SLC16A7: variants seen among roughly 807,000 people sequenced by gnomAD.
The protein encoded by SLC16A7 is monocarboxylate transporter 2.
SLC16A7 carries 33 observed loss-of-function variants against 34.9 expected under a neutral mutation model. That is an observed-to-expected ratio of 0.94 (90% CI 0.72 to 1.26). The LOEUF (loss-of-function observed/expected upper bound fraction) is 1.26. Among genes scored for constraint, SLC16A7 ranks in the 50% most tolerant of loss-of-function variants. The pLI, the probability that SLC16A7 is intolerant of heterozygous loss-of-function variation, is 0.00. For missense variants in SLC16A7, 573 were observed against 578.1 expected, an observed-to-expected ratio of 0.99 and a Z score of 0.09; for synonymous variants, 201 against 206.6, an observed-to-expected ratio of 0.97 and a Z score of 0.23.
intron 1 of SLC16A7, among the ~76,000 whole-genome samples, chr12:59,625,943 G>A (rs974086048): frequency 6.6e-6 from 1 of 151,696 alleles, no homozygotes; most frequent in Non-Finnish European, 1.5e-5. Context: ...TTACTTAAAG[G>A]AGCAGATTTT....
intron 3 of SLC16A7, among the ~76,000 whole-genome samples, chr12:59,754,667 C>G (rs1313552677): frequency 1.3e-5 from 2 of 152,168 alleles, no homozygotes; most frequent in East Asian, 3.9e-4. Context: ...CAGCCGAATT[C>G]TACCAGAGGT....
At chr12:59,609,064 A>G (rs971286226) in intron 1 of SLC16A7, among the ~76,000 whole-genome samples, 2 of 152,206 alleles carry the variant, frequency 1.3e-5, no homozygotes, top group Non-Finnish European at 1.5e-5. Flanking sequence ...TTCACAAAAG[A>G]CAGATTAGTT....
chr12:59,694,500 C>T (rs1872050728), intron 2 of SLC16A7, among the ~76,000 whole-genome samples: 1 of 151,874 alleles, frequency 6.6e-6, no homozygotes, highest in African/African-American at 2.4e-5. Context: ...TTTGCTCCTG[C>T]CTTCTTTATT....
At chr12:59,688,817 A>G (rs192128792) in intron 2 of SLC16A7, among the ~76,000 whole-genome samples, 260 of 152,202 alleles carry the variant, frequency 1.7e-3, no homozygotes, top group African/African-American at 4.8e-3. Flanking sequence ...TACAAAAACT[A>G]TATTTGAATC....
chr12:59,704,698 T>C, intron 2 of SLC16A7, 74 bp from the exon 3 acceptor site: 1 of 722,026 alleles, frequency 1.4e-6, no homozygotes, highest in Non-Finnish European at 2.3e-6. Context: ...GAAAGTACTA[T>C]TTTAGTGACT....
chr12:59,680,413 T>G (rs1870653161), intron 2 of SLC16A7, among the ~76,000 whole-genome samples: 1 of 152,200 alleles, frequency 6.6e-6, no homozygotes, highest in African/African-American at 2.4e-5. Context: ...TGAAAATGTG[T>G]TATCTTGATT....
rs141789453 is a variant in SLC16A7 at position 59,694,482 on chromosome 12, T to C, written c.-30-10290T>C. 1.4e-3 allele frequency among the ~76,000 whole-genome samples: 213 copies of C among 152,038 alleles called. 1 individual carries two copies. Among genetic ancestry groups the C allele is most frequent in the Middle Eastern group, 6.8e-3 (2 of 294 alleles). ...AATATATGCCTTAAATATATCCACA[T>C]CCAAAAGTTTGCTCCTGCCTTCTTT... On this transcript the variant is annotated intron_variant, in intron 2 of 5. Coordinates refer to ENST00000547379, the MANE Select transcript of SLC16A7 (RefSeq NM_001270623.2).
Position 59,775,488 on chromosome 12 carries a change from T to C in SLC16A7, c.1180+13T>C. The stretch of plus-strand genomic sequence containing the variant: ...CCTCCTCTTGCAGGTAAGAACGTTT[T>C]TCATCAAGGAAAATGTAAAGCATAA... On this transcript the variant is annotated intron_variant, in intron 5 of 5. Coordinates refer to ENST00000547379, the MANE Select transcript of SLC16A7 (RefSeq NM_001270623.2). The C allele has an allele frequency of 6.3e-7, 1 of 1,588,980 alleles. No individual in the cohort carries two copies. Among genetic ancestry groups the C allele is most frequent in the Non-Finnish European group, 8.6e-7 (1 of 1,159,346 alleles).
intron 1 of SLC16A7, among the ~76,000 whole-genome samples, chr12:59,642,877 A>C (rs1043230307): frequency 6.6e-6 from 1 of 152,060 alleles, no homozygotes; most frequent in East Asian, 1.9e-4. Context: ...ACTTAGTTGA[A>C]AGTAACTTGT....
In SLC16A7 at chr12:59,784,818, G is replaced by A. The variant is rs1883502409; in HGVS notation, c.*5139G>A. On this transcript the variant is annotated 3_prime_UTR_variant, in exon 6 of 6. Coordinates refer to ENST00000547379, the MANE Select transcript of SLC16A7 (RefSeq NM_001270623.2). ...GAGTCTTGAAAAACTGATCTTCTTT[G>A]GCACTATCCTGAATGTTTCTGATTT... is the stretch of plus-strand genomic sequence containing the variant. 6.6e-6 allele frequency: 1 copy of A among 152,052 alleles called. No homozygotes were observed. The highest frequency in any genetic ancestry group is 1.5e-5 in the Non-Finnish European group (1 of 68,014). 9.4% of individuals were successfully genotyped at this position (152,052 alleles called of 1,614,324 possible).
intron 2 of SLC16A7, among the ~76,000 whole-genome samples, chr12:59,686,617 C>T (rs1871183632): frequency 6.6e-6 from 1 of 151,758 alleles, no homozygotes; most frequent in Non-Finnish European, 1.5e-5. Flanking sequence ...TCATTTAGTT[C>T]CAGTTAATAC....
chr12:59,666,066 G>T (rs1341621636), intron 2 of SLC16A7, among the ~76,000 whole-genome samples: 1 of 152,074 alleles, frequency 6.6e-6, no homozygotes, highest in Non-Finnish European at 1.5e-5. Context: ...TTGGAGTTTG[G>T]AGTTGATAGG....
At chr12:59,708,223 C>T (rs1873811575) in intron 3 of SLC16A7, among the ~76,000 whole-genome samples, 1 of 152,036 alleles carries the variant, frequency 6.6e-6, no homozygotes, top group African/African-American at 2.4e-5. Flanking sequence ...ACATTGCAGT[C>T]TTTCTTCAAC....
Position 59,788,398 on chromosome 12 carries a change from A to G in SLC16A7, c.*8719A>G, listed in dbSNP as rs953692817. The G allele has an allele frequency of 2.6e-5, 4 of 152,068 alleles. No homozygotes were observed. The highest frequency in any genetic ancestry group is 4.8e-5 in the African/African-American group (2 of 41,442). The allele number at this position is 152,068 out of a possible 1,614,324, so 9.4% of individuals were successfully genotyped here. On this transcript the variant is annotated 3_prime_UTR_variant, in exon 6 of 6. Coordinates refer to ENST00000547379, the MANE Select transcript of SLC16A7 (RefSeq NM_001270623.2). ...AAAATGTAGTTGTCTTGTTTATTCT[A>G]TAGATATCTTAATGACCACTGAACA...
chr12:59,775,192 T>G lies in SLC16A7; in HGVS notation c.897T>G (p.Ser299=). The change falls in exon 5 of 6, where the codon TCT becomes TCG. Residue 299 remains serine, a synonymous_variant. Coordinates refer to ENST00000547379, the MANE Select transcript of SLC16A7 (RefSeq NM_001270623.2). Reference sequence around the variant, plus strand: ...TCGTTGATATGTTTGCTAGGCCTTCTGTAGGATTAATTGCAAACTCCAAAT... The same window carrying G: ...TCGTTGATATGTTTGCTAGGCCTTCGGTAGGATTAATTGCAAACTCCAAAT... ...MAFVDMFARP[S]VGLIANSKYI... 2 of 1,614,184 alleles carry G rather than the reference T, an allele frequency of 1.2e-6. No individual in the cohort carries two copies. The highest frequency in any genetic ancestry group is 1.7e-6 in the Non-Finnish European group (2 of 1,180,022).
At chr12:59,717,999 A>G (rs188691600) in intron 3 of SLC16A7, among the ~76,000 whole-genome samples, 142 of 152,300 alleles carry the variant, frequency 9.3e-4, no homozygotes, top group African/African-American at 3.2e-3. Context: ...TCAGAAAAAT[A>G]CATCTCACAA....
chr12:59,650,767 A>G (rs1294330102), intron 1 of SLC16A7, among the ~76,000 whole-genome samples: 1 of 152,090 alleles, frequency 6.6e-6, no homozygotes, highest in African/African-American at 2.4e-5. Flanking sequence ...AAATTCAGCA[A>G]TGGATTTCAG....
At chr12:59,650,273 T>C (rs1368727388) in intron 1 of SLC16A7, among the ~76,000 whole-genome samples, 1 of 152,088 alleles carries the variant, frequency 6.6e-6, no homozygotes, top group Non-Finnish European at 1.5e-5. Flanking sequence ...AGATATGGTA[T>C]TATGAAGTGA....
chr12:59,650,747 G>A (rs1868329832), intron 1 of SLC16A7, among the ~76,000 whole-genome samples: 1 of 152,068 alleles, frequency 6.6e-6, no homozygotes, highest in Non-Finnish European at 1.5e-5. Flanking sequence ...GGGAAGGGTG[G>A]ACTCCATGCA....
Sources: gnomAD v4.1 joint callset for allele counts (sites outside exome capture counted in the v4.1 genomes callset) on GRCh38, gnomAD v4.1.1 for gene constraint, MANE v1.5 for transcripts, NCBI Gene and HGNC (gene_info 2026-07-23, HGNC 2026-07-21) for gene names.